Variants in RAD17 observed in about 807,000 individuals in gnomAD.
The protein encoded by RAD17 is RAD17 checkpoint clamp loader component.
Under a neutral mutation model 81.5 loss-of-function variants are expected in RAD17, and 31 were observed. The observed-to-expected ratio is 0.38, with a 90% CI of 0.29 to 0.51. RAD17 has a LOEUF of 0.51. Ranked by LOEUF, RAD17 falls within the 20% of genes least tolerant of loss-of-function variation. The pLI is 0.88. For missense variants in RAD17, 681 were observed against 781.2 expected (o/e 0.87, Z 1.53); for synonymous variants, 261 against 266.2 (o/e 0.98, Z 0.19).
chr5:69,391,562 A>G (rs1299266624), intron 12 of RAD17, among the ~76,000 whole-genome samples: 1 of 152,230 alleles, frequency 6.6e-6, no homozygotes, highest in Admixed American at 6.5e-5. Flanking sequence ...TTTTTGGATC[A>G]GGAATGTCAG....
At chr5:69,397,112 G>A (rs907472239) in intron 16 of RAD17, among the ~76,000 whole-genome samples, 2 of 150,950 alleles carry the variant, frequency 1.3e-5, no homozygotes, top group Admixed American at 1.3e-4. Flanking sequence ...GATTACAAAT[G>A]TGAGACACCA....
intron 17 of RAD17, among the ~76,000 whole-genome samples, chr5:69,402,561 A>G (rs1310415842): frequency 6.6e-6 from 1 of 151,554 alleles, no homozygotes; most frequent in African/African-American, 2.4e-5. Flanking sequence ...GGGCTGAGGC[A>G]GGAGAATGGT....
rs1766254149 is a variant in RAD17 at position 69,414,455 on chromosome 5, T to G, written c.*163T>G. On this transcript the variant is annotated 3_prime_UTR_variant, in exon 19 of 19. Transcript: ENST00000354868. ...CAAGAAACCTACTCTTCTGTCATCT[T>G]GAAGTAAATAGAAGATCAAGCCTTC... 1.2e-6 allele frequency: 1 copy of G among 830,482 alleles called. No individual in the cohort carries two copies. The highest frequency in any genetic ancestry group is 1.8e-6 in the Non-Finnish European group (1 of 547,404). The allele number at this position is 830,482 out of a possible 1,614,324, so 51.4% of individuals were successfully genotyped here. A position where few individuals can be genotyped will look rare whatever the true frequency, so the allele number is the denominator to read the frequency against.
At position 69,385,023 on chromosome 5, in the gene RAD17, G is replaced by A. The variant is rs560063697; in HGVS notation, c.645+90G>A. Reference sequence around the variant, plus strand: ...CACCCAGGCTGGAGTGCAGTGGCGCGATCTCAGCTCATTGCAAGCTCTGCC... The same window carrying A: ...CACCCAGGCTGGAGTGCAGTGGCGCAATCTCAGCTCATTGCAAGCTCTGCC... On this transcript the variant is annotated intron_variant, in intron 8 of 18. Coordinates refer to ENST00000354868, the MANE Select transcript of RAD17 (RefSeq NM_133338.3). The A allele has an allele frequency of 4.9e-4, 558 of 1,128,476 alleles. 2 individuals are homozygous for A. In the African/African-American group the frequency reaches 8.1e-3, roughly 16 times the overall value. The allele number at this position is 1,128,476 out of a possible 1,614,324, so 69.9% of individuals were successfully genotyped here.
intron 12 of RAD17, among the ~76,000 whole-genome samples, chr5:69,391,055 G>A (rs572737946): frequency 1.3e-5 from 2 of 151,892 alleles, no homozygotes; most frequent in East Asian, 3.9e-4. Context: ...TGGCCAACAT[G>A]GTGAAACCTC....
rs1337349031 is a variant in RAD17 at position 69,396,405 on chromosome 5, T to G, written c.1431T>G (p.Ser477=). The G allele has an allele frequency of 6.2e-7, 1 of 1,610,750 alleles. No homozygotes were observed. Among genetic ancestry groups the G allele is most frequent in the South Asian group, 1.1e-5 (1 of 90,298 alleles). ...DILSGDWNTR[S]LLREYSTSIA... ...CTTGTCTCATTTGTTAGACACGCTC[T>G]TTACTCAGGGAATATAGCACATCTA... The change falls in exon 16 of 19, where the codon TCT becomes TCG. Residue 477 remains serine, a synonymous_variant. Transcript: ENST00000354868.
At chr5:69,385,896 A>G (rs1764182043) in intron 8 of RAD17, 147 bp from the exon 9 acceptor site, 4 of 820,908 alleles carry the variant, frequency 4.9e-6, no homozygotes, top group Non-Finnish European at 6.8e-6. Flanking sequence ...ACTGTTTCGG[A>G]TATCATCTAT....
intron 7 of RAD17, among the ~76,000 whole-genome samples, chr5:69,382,382 T>G (rs763270465): frequency 6.6e-6 from 1 of 152,182 alleles, no homozygotes; most frequent in Non-Finnish European, 1.5e-5. Context: ...GAGTTCAAGG[T>G]TGCAGTGAGC....
intron 18 of RAD17, among the ~76,000 whole-genome samples, chr5:69,410,978 TATATATATATATATATATAC>T (rs1765952018): frequency 7.0e-6 from 1 of 142,944 alleles, no homozygotes; most frequent in Non-Finnish European, 1.5e-5. Flanking sequence ...TATATATATA[TATATATATATATATATATAC>T]TGTTCATTTT....
chr5:69,389,480 C>A (rs1764413060), intron 12 of RAD17, among the ~76,000 whole-genome samples: 1 of 152,148 alleles, frequency 6.6e-6, no homozygotes, highest in Admixed American at 6.5e-5. Context: ...TGTTTTCTCA[C>A]CTTTTATGTG....
In RAD17 at chr5:69,386,586, A is replaced by T. The variant is rs180884644; in HGVS notation, c.894+121A>T. 61 of 1,145,470 alleles carry T rather than the reference A, an allele frequency of 5.3e-5. No homozygotes were observed. The Admixed American group carries it at 2.0e-3, about 38-fold the overall frequency. The allele number at this position is 1,145,470 out of a possible 1,614,324, so 71.0% of individuals were successfully genotyped here. Reference sequence around the variant, plus strand: ...AGAATTAAAACATTTTATTATACTCATAAGGCATGTCATTTTAGCAAATGT... The same window carrying T: ...AGAATTAAAACATTTTATTATACTCTTAAGGCATGTCATTTTAGCAAATGT... On this transcript the variant is annotated intron_variant, in intron 11 of 18. Transcript: ENST00000354868.
At position 69,411,326 on chromosome 5, in the gene RAD17, G is replaced by T. The variant is rs1019806551; in HGVS notation, c.1751+776G>T. The stretch of plus-strand genomic sequence containing the variant: ...CTCAGGAGGCTGAGGCAGGAGAATC[G>T]CTTCAACCCAGGAGGTGGAGGTTGC... On this transcript the variant is annotated intron_variant, in intron 18 of 18. Transcript: ENST00000354868. Among the ~76,000 whole-genome samples the T allele has an allele frequency of 2.6e-5, 4 of 151,826 alleles. No homozygotes were observed. In the South Asian group the frequency reaches 8.3e-4, roughly 31 times the overall value.
intron 6 of RAD17, 53 bp from the exon 7 acceptor site, chr5:69,381,848 T>A (rs1763880226): frequency 7.8e-7 from 1 of 1,284,726 alleles, no homozygotes; most frequent in Non-Finnish European, 1.1e-6. Context: ...AGAAATAATA[T>A]TCTAGCATTC....
rs1554038744 is a variant in RAD17 at position 69,377,588 on chromosome 5, T to TATATATGCATATATATGTATAC, written c.351+2883_351+2884insGCATATATATGTATACATATAT. On this transcript the variant is annotated intron_variant, in intron 6 of 18. Coordinates refer to ENST00000354868, the MANE Select transcript of RAD17 (RefSeq NM_133338.3). Reference sequence around the variant, plus strand: ...ATATATATGCATATATATGTATACATATATATATGCATATATATATGTATA... The same window carrying TATATATGCATATATATGTATAC: ...ATATATATGCATATATATGTATACATATATATGCATATATATGTATACATATATATGCATATATATATGTATA... Among the ~76,000 whole-genome samples the TATATATGCATATATATGTATAC allele has an allele frequency of 4.2e-4, 8 of 18,920 alleles. 3 individuals carry two copies. The highest frequency in any genetic ancestry group is 8.1e-4 in the African/African-American group (5 of 6,194). 12.4% of individuals were successfully genotyped at this position (18,920 alleles called of 152,430 possible).
In RAD17 at chr5:69,406,487, T is replaced by TTG. The variant is rs148746496; in HGVS notation, c.1694-3993_1694-3992dup. Among the ~76,000 whole-genome samples the TTG allele has an allele frequency of 0.014, 2,182 of 151,730 alleles. 158 individuals carry two copies. In the East Asian group the frequency reaches 0.24, roughly 17 times the overall value. Reference sequence around the variant, plus strand: ...CATGGTGACTATAATTAATAGTATTTTGTGTGTGTGTGTGGTTTTGTTTCT... The same window carrying TTG: ...CATGGTGACTATAATTAATAGTATTTTGTGTGTGTGTGTGTGGTTTTGTTTCT... On this transcript the variant is annotated intron_variant, in intron 17 of 18. Coordinates refer to ENST00000354868, the MANE Select transcript of RAD17 (RefSeq NM_133338.3).
chr5:69,377,456 T>TACACACACACAC (rs1561238731), intron 6 of RAD17, among the ~76,000 whole-genome samples: 2 of 8,508 alleles, frequency 2.4e-4, no homozygotes, highest in East Asian at 7.9e-3. Context: ...TATATATATA[T>TACACACACACAC]ATATATATAT....
chr5:69,375,225 CTT>C (rs1403721339), intron 6 of RAD17, among the ~76,000 whole-genome samples: 2 of 152,184 alleles, frequency 1.3e-5, no homozygotes, highest in African/African-American at 4.8e-5. Context: ...ATTTGTAACT[CTT>C]TTTCTTTATG....
intron 18 of RAD17, among the ~76,000 whole-genome samples, chr5:69,410,927 T>C (rs1205416795): frequency 7.3e-6 from 1 of 137,850 alleles, no homozygotes; most frequent in Non-Finnish European, 1.5e-5. Context: ...TATTTTCTTA[T>C]TTTAGAAAAT....
At chr5:69,373,709 T>TAGTTTTAAAGG in intron 4 of RAD17, 121 bp from the exon 5 acceptor site, 1 of 536,246 alleles carries the variant, frequency 1.9e-6, no homozygotes, top group Non-Finnish European at 2.7e-6. Flanking sequence ...TTTTTTTTTT[T>TAGTTTTAAAGG]TTTTTTTAAG....
Sources: gnomAD v4.1 joint callset for allele counts (sites outside exome capture counted in the v4.1 genomes callset) on GRCh38, gnomAD v4.1.1 for gene constraint, MANE v1.5 for transcripts, NCBI Gene and HGNC (gene_info 2026-07-23, HGNC 2026-07-21) for gene names.